Variants in NLRC3 observed in about 807,000 individuals in gnomAD.
NLRC3 encodes NLR family CARD domain containing 3.
In NLRC3, 87 loss-of-function variants were observed where a neutral mutation model predicts 91.6. The ratio of observed to expected loss-of-function variants is 0.95; its 90% CI spans 0.80 to 1.14. NLRC3 has a LOEUF of 1.14. Ranked by LOEUF, NLRC3 falls within the 50% of genes most tolerant of loss-of-function variation. The pLI is 0.00. For missense variants in NLRC3, 1,577 were observed against 1,418.6 expected (o/e 1.11, Z -1.79); for synonymous variants, 694 against 625.3 (o/e 1.11, Z -1.64).
Position 3,541,706 on chromosome 16 carries a change from G to A in NLRC3, c.*119C>T, listed in dbSNP as rs961608305. 13 of 689,644 alleles carry A rather than the reference G, an allele frequency of 1.9e-5. No individual in the cohort carries two copies. The highest frequency in any genetic ancestry group is 2.8e-5 in the Non-Finnish European group (11 of 390,402). 42.7% of individuals were successfully genotyped at this position (689,644 alleles called of 1,614,324 possible). On this transcript the variant is annotated 3_prime_UTR_variant, in exon 20 of 20. Transcript: ENST00000359128. ...CCTCTCCTTCCTCCCTGCAGAGCCCGGCTCTCGTGCTGAGCAAGCAGCGTT... is the reference window on the plus strand; with the variant it reads ...CCTCTCCTTCCTCCCTGCAGAGCCCAGCTCTCGTGCTGAGCAAGCAGCGTT...
chr16:3,553,712 T>TATTTTATTTTATATTTTA lies in NLRC3; in HGVS notation c.2267+512_2267+529dup, dbSNP rs1222728744. Among the ~76,000 whole-genome samples, 214 of 150,874 alleles carry TATTTTATTTTATATTTTA rather than the reference T, an allele frequency of 1.4e-3. 3 individuals are homozygous for TATTTTATTTTATATTTTA. The highest frequency in any genetic ancestry group is 4.9e-3 in the African/African-American group (202 of 41,324). Reference sequence around the variant, plus strand: ...GAAGGTATTTTATTTTATATTTTATTATTTTATTTTATATTTTAATTTTAT... The same window carrying TATTTTATTTTATATTTTA: ...GAAGGTATTTTATTTTATATTTTATTATTTTATTTTATATTTTAATTTTATTTTATATTTTAATTTTAT... On this transcript the variant is annotated intron_variant, in intron 9 of 19. Transcript: ENST00000359128.
At chr16:3,551,766 CCCATCCAT>C (rs370210844) in intron 10 of NLRC3, among the ~76,000 whole-genome samples, 1 of 111,526 alleles carries the variant, frequency 9.0e-6, no homozygotes, top group East Asian at 3.1e-4. Context: ...AGTCCTCTCA[CCCATCCAT>C]CCATCCATCC....
intron 6 of NLRC3, among the ~76,000 whole-genome samples, chr16:3,559,218 C>T (rs925152106): frequency 6.6e-6 from 1 of 152,168 alleles, no homozygotes; most frequent in East Asian, 1.9e-4. Context: ...GCTTCCATCC[C>T]TCTGGGACTT....
Position 3,564,709 on chromosome 16 carries a change from A to ACCTC in NLRC3, c.224_227dup (p.Gly77ArgfsTer148), listed in dbSNP as rs1172589628. 6.3e-7 allele frequency: 1 copy of ACCTC among 1,596,452 alleles called. No homozygotes were observed. Among genetic ancestry groups the ACCTC allele is most frequent in the African/African-American group, 1.3e-5 (1 of 74,832 alleles). ...GCCAGGGTCCGCCCAGCTCCGGGCC[A>ACCTC]CCTCCCACCTTGCTCAGCAGGGCCT... On this transcript the variant is annotated frameshift_variant, in exon 5 of 20. Transcript: ENST00000359128. LOFTEE classifies it high-confidence loss of function. This position sits in a 1 kb window ranked among gnomAD's most constrained non-coding sequence, Gnocchi z 5.9.
At position 3,541,824 on chromosome 16, in the gene NLRC3, A is replaced by G; in HGVS notation, c.*1T>C. 1 of 1,600,616 alleles carries G rather than the reference A, an allele frequency of 6.2e-7. No individual in the cohort carries two copies. The highest frequency in any genetic ancestry group is 1.7e-4 in the Middle Eastern group (1 of 6,028). The stretch of plus-strand genomic sequence containing the variant: ...CCATTCTCCTGATCCGTCCACCAGG[A>G]TCACATTTCAACAGTGCACGTGGGA... On this transcript the variant is annotated 3_prime_UTR_variant, in exon 20 of 20. Coordinates refer to ENST00000359128, the MANE Select transcript of NLRC3 (RefSeq NM_178844.4).
At position 3,564,757 on chromosome 16, in the gene NLRC3, G is replaced by A. The variant is rs1293412351; in HGVS notation, c.180C>T (p.Asp60=). 1 of 1,576,944 alleles carries A rather than the reference G, an allele frequency of 6.3e-7. No individual in the cohort carries two copies. The highest frequency in any genetic ancestry group is 2.2e-5 in the East Asian group (1 of 44,496). Residue 60 remains aspartate (D), a splice_region_variant and synonymous_variant, in exon 5 of 20, where the codon GAC becomes GAT. Transcript: ENST00000359128. The surrounding 1 kb of genome is among the most constrained non-coding windows in gnomAD (Gnocchi z 5.9). ...PDAPLGPCSN[D]SRIQRHRKAL... ...CCTTGCGGTGCCTCTGTATCCTTGA[G>A]TCTGCGGGACAGAGGCCAGTGGGGA...
chr16:3,564,689 G>T lies in NLRC3; in HGVS notation c.248C>A (p.Pro83His), dbSNP rs1299880579. 6.2e-7 allele frequency: 1 copy of T among 1,601,410 alleles called. No individual in the cohort carries two copies. The highest frequency in any genetic ancestry group is 1.7e-5 in the Admixed American group (1 of 59,690). The change falls in exon 5 of 20, where the codon CCC (proline) becomes CAC (histidine). Residue 83 changes from proline (P) to histidine (H), a missense_variant. Pro to His is a moderately conservative substitution (Grantham distance 77). Coordinates refer to ENST00000359128, the MANE Select transcript of NLRC3 (RefSeq NM_178844.4). This position sits in a 1 kb window ranked among gnomAD's most constrained non-coding sequence, Gnocchi z 5.9. ...KVGGGPELGG[P>H]WHRLASLLLV... Reference sequence around the variant, plus strand: ...CAGGAGGGAGGCCAGCCTGTGCCAGGGTCCGCCCAGCTCCGGGCCACCTCC... The same window carrying T: ...CAGGAGGGAGGCCAGCCTGTGCCAGTGTCCGCCCAGCTCCGGGCCACCTCC...
Position 3,544,238 on chromosome 16 carries a change from G to A in NLRC3, c.2855+8C>T, listed in dbSNP as rs752735464. ...GTTTCCTGACTGCTGCGCACATCTA[G>A]GACTTACTAGAGAGCAGTGAGGGCT... On this transcript the variant is annotated splice_region_variant and intron_variant, in intron 16 of 19. Coordinates refer to ENST00000359128, the MANE Select transcript of NLRC3 (RefSeq NM_178844.4). 6 of 1,567,132 alleles carry A rather than the reference G, an allele frequency of 3.8e-6. No individual in the cohort carries two copies. The Admixed American group carries it at 5.0e-5, about 13-fold the overall frequency.
Position 3,541,699 on chromosome 16 carries a change from A to C in NLRC3, c.*126T>G. 1 of 670,494 alleles carries C rather than the reference A, an allele frequency of 1.5e-6. No individual in the cohort carries two copies. The highest frequency in any genetic ancestry group is 2.6e-6 in the Non-Finnish European group (1 of 377,608). The allele number at this position is 670,494 out of a possible 1,614,324, so 41.5% of individuals were successfully genotyped here. ...GGCAGCACCTCTCCTTCCTCCCTGC[A>C]GAGCCCGGCTCTCGTGCTGAGCAAG... On this transcript the variant is annotated 3_prime_UTR_variant, in exon 20 of 20. Transcript: ENST00000359128.
rs2039174919 is a variant in NLRC3, at chr16:3,554,299, T to C, written c.2210A>G (p.Asp737Gly). The C allele has an allele frequency of 6.2e-7, 1 of 1,613,790 alleles. No individual in the cohort carries two copies. ...LSLQGNTVRD[D>G]GARSMAEALA... ...GGCCTCAGCCATGGACCTGGCACCA[T>C]CATCCCTAACGGTGTTGCCCTGGAG... The change falls in exon 9 of 20, where the codon GAT (aspartate) becomes GGT (glycine). Residue 737 changes from aspartate to glycine, a missense_variant. Transcript: ENST00000359128.
chr16:3,549,099 A>C (rs1016093925), intron 13 of NLRC3, 43 bp downstream of exon 13: 1 of 1,414,990 alleles, frequency 7.1e-7, no homozygotes, highest in Admixed American at 2.0e-5. Flanking sequence ...GGGTGTGGTC[A>C]TGGCATGAAC....
At chr16:3,554,185 C>T (rs1373227938) in intron 9 of NLRC3, 57 bp downstream of exon 9, 9 of 1,337,426 alleles carry the variant, frequency 6.7e-6, no homozygotes, top group Non-Finnish European at 9.7e-6. Flanking sequence ...GCAGAGAGGC[C>T]CTTGGAGGAG....
intron 7 of NLRC3, among the ~76,000 whole-genome samples, chr16:3,557,293 C>T (rs1027178040): frequency 1.3e-5 from 2 of 152,196 alleles, no homozygotes; most frequent in Non-Finnish European, 1.5e-5. Flanking sequence ...GTGTCCCTGG[C>T]TGTAGCCCGG....
chr16:3,568,646 G>C (rs891926553), intron 1 of NLRC3, among the ~76,000 whole-genome samples: 17 of 152,274 alleles, frequency 1.1e-4, no homozygotes, highest in African/African-American at 4.1e-4. Context: ...AGGACTGCTT[G>C]AGCCTGGGAG....
chr16:3,557,532 G>A, intron 7 of NLRC3, 61 bp downstream of exon 7: 1 of 1,024,532 alleles, frequency 9.8e-7, no homozygotes, highest in South Asian at 1.3e-5. Flanking sequence ...GACTTCACAA[G>A]ATGCCTCACA....
chr16:3,568,964 T>C (rs1166811845), intron 1 of NLRC3, among the ~76,000 whole-genome samples: 2 of 152,250 alleles, frequency 1.3e-5, no homozygotes, highest in East Asian at 3.8e-4. Flanking sequence ...ATCAACATAT[T>C]AAATATTCAC....
rs1567452131 is a variant in NLRC3 at position 3,540,906 on chromosome 16, TAATA to T, written c.*915_*918del. ...GGCATCACCCATGTCTTTGATTTTG[TAATA>T]AATAAAAAATGGGGCCAGGTGTGGT... On this transcript the variant is annotated 3_prime_UTR_variant, in exon 20 of 20. Transcript: ENST00000359128. 3 of 151,984 alleles carry T rather than the reference TAATA, an allele frequency of 2.0e-5. No individual in the cohort carries two copies. Among genetic ancestry groups the T allele is most frequent in the Admixed American group, 6.6e-5 (1 of 15,256 alleles). 9.4% of individuals were successfully genotyped at this position (151,984 alleles called of 1,614,324 possible).
At chr16:3,544,010 C>A in intron 16 of NLRC3, 1 of 499,040 alleles carries the variant, frequency 2.0e-6, no homozygotes. Context: ...AAAAATTAGG[C>A]TGGGTGTGGT....
chr16:3,560,747 C>T (rs1372277810), intron 6 of NLRC3, among the ~76,000 whole-genome samples: 1 of 151,984 alleles, frequency 6.6e-6, no homozygotes, highest in East Asian at 2.0e-4. Context: ...GCAACCTCTG[C>T]CTCCTGGGTT....
Sources: allele counts gnomAD v4.1 joint callset (sites outside exome capture counted in the v4.1 genomes callset), GRCh38; gene constraint gnomAD v4.1.1; non-coding constraint Gnocchi (gnomAD v3.1); transcripts MANE v1.5; gene names NCBI Gene and HGNC (gene_info 2026-07-23, HGNC 2026-07-21).